Variants in CCDC7 observed in about 807,000 individuals in gnomAD.
CCDC7 encodes coiled-coil domain containing 7, also known as coiled-coil domain-containing protein 7.
Under a neutral mutation model 196.9 loss-of-function variants are expected in CCDC7, and 183 were observed. The observed-to-expected ratio is 0.93, with a 90% confidence interval of 0.82 to 1.05. The LOEUF (loss-of-function observed/expected upper bound fraction) is 1.05. Among genes scored for constraint, CCDC7 ranks in the 50% least tolerant of loss-of-function variants. The probability of loss-of-function intolerance (pLI) is 0.00; values close to 1 mark genes in which losing one functional copy is unlikely to be tolerated. For synonymous variants in CCDC7, 525 were observed against 484.6 expected, an observed-to-expected ratio of 1.08 and a Z score of -1.10; for missense variants, 1,540 against 1,482.2, an observed-to-expected ratio of 1.04 and a Z score of -0.64.
intron 13 of CCDC7, among the ~76,000 whole-genome samples, chr10:32,548,674 A>G (rs1167365961): frequency 1.3e-5 from 2 of 152,200 alleles, no homozygotes; most frequent in Admixed American, 1.3e-4. Context: ...TTGGTTTTCC[A>G]TTCCTGAGTT....
At chr10:32,856,197 C>CA (rs1307284286) in intron 41 of CCDC7, among the ~76,000 whole-genome samples, 3 of 151,766 alleles carry the variant, frequency 2.0e-5, no homozygotes, top group Non-Finnish European at 4.4e-5. Context: ...ACACACTGTC[C>CA]AAAAAAATAG....
rs189116321 is a variant in CCDC7, at chr10:32,752,462, A to G, written c.2905+23005A>G. ...AAATCAATGTAAATCTAAATCTCAA[A>G]CCATCTCTAGTCCCACGTATAGTGG... On this transcript the variant is annotated intron_variant, in intron 28 of 41. Coordinates refer to ENST00000639629, the Ensembl canonical transcript of CCDC7. Among the ~76,000 whole-genome samples the G allele has an allele frequency of 1.8e-3, 275 of 152,144 alleles. 2 individuals carry two copies. The highest frequency in any genetic ancestry group is 6.2e-3 in the African/African-American group (259 of 41,514).
intron 18 of CCDC7, among the ~76,000 whole-genome samples, chr10:32,595,783 C>T (rs2060272453): frequency 6.6e-6 from 1 of 152,106 alleles, no homozygotes; most frequent in Non-Finnish European, 1.5e-5. Context: ...TTTATTTCTG[C>T]CTTCATTTTG....
intron 2 of CCDC7, among the ~76,000 whole-genome samples, chr10:32,453,646 G>A (rs2033651375): frequency 6.6e-6 from 1 of 151,970 alleles, no homozygotes; most frequent in African/African-American, 2.4e-5. Context: ...TGCAGAAAAG[G>A]AGTTCTACAT....
At position 32,696,878 on chromosome 10, in the gene CCDC7, T is replaced by C. The variant is rs142244459; in HGVS notation, c.2458+1886T>C. 1.9e-3 allele frequency among the ~76,000 whole-genome samples: 292 copies of C among 152,298 alleles called. 1 individual carries two copies. The highest frequency in any genetic ancestry group is 5.8e-4 in the East Asian group (3 of 5,188). On this transcript the variant is annotated intron_variant, in intron 24 of 41. Coordinates refer to ENST00000639629, the Ensembl canonical transcript of CCDC7. ...GACATGTACAGGCCATTGCTTACAG[T>C]ATCACAATAAATGAAAAAAATTATG...
At chr10:32,848,161 C>G (rs1194604213) in intron 38 of CCDC7, among the ~76,000 whole-genome samples, 1 of 152,026 alleles carries the variant, frequency 6.6e-6, no homozygotes, top group African/African-American at 2.4e-5. Flanking sequence ...TAAATGTTTT[C>G]TACAATAATC....
intron 18 of CCDC7, among the ~76,000 whole-genome samples, chr10:32,595,114 A>G (rs1375036270): frequency 6.6e-6 from 1 of 152,226 alleles, no homozygotes; most frequent in East Asian, 1.9e-4. Context: ...GAATAGTTTC[A>G]GAAGGAATGG....
rs1421864210 is a variant in CCDC7 at position 32,496,057 on chromosome 10, C to A, written c.872+4060C>A. 2.0e-5 allele frequency among the ~76,000 whole-genome samples: 3 copies of A among 152,118 alleles called. No homozygotes were observed. The East Asian group carries it at 5.8e-4, about 29-fold the overall frequency. ...ATGTTTTTCCATTTGTTTGTTTCCT[C>A]TCTTATTTCCTTGAGCTGTGGTTTG... On this transcript the variant is annotated intron_variant, in intron 9 of 41. Coordinates refer to ENST00000639629, the Ensembl canonical transcript of CCDC7.
At chr10:32,544,386 T>C in intron 13 of CCDC7, 85 bp downstream of exon 14, 1 of 1,392,936 alleles carries the variant, frequency 7.2e-7, no homozygotes, top group Non-Finnish European at 9.9e-7. Flanking sequence ...ATTACGTATG[T>C]GATTATAGGG....
chr10:32,492,279 A>G (rs566423800), intron 9 of CCDC7, among the ~76,000 whole-genome samples: 4 of 152,218 alleles, frequency 2.6e-5, no homozygotes, highest in African/African-American at 9.6e-5. Flanking sequence ...AAAATAGTAT[A>G]TTGGTTCCTA....
chr10:32,806,175 G>C (rs1283432268), intron 30 of CCDC7, among the ~76,000 whole-genome samples: 1 of 152,082 alleles, frequency 6.6e-6, no homozygotes, highest in Non-Finnish European at 1.5e-5. Flanking sequence ...CCATATCACA[G>C]GGGAAAGAGT....
intron 31 of CCDC7, 82 bp from the exon 33 acceptor site, chr10:32,824,436 A>G (rs2090792692): frequency 2.7e-6 from 2 of 753,240 alleles, no homozygotes; most frequent in Admixed American, 2.4e-5. Context: ...AATATTAATT[A>G]TGATAGTATT....
intron 9 of CCDC7, 74 bp from the exon 11 acceptor site, chr10:32,517,871 G>A (rs1295774158): frequency 6.6e-7 from 1 of 1,514,606 alleles, no homozygotes; most frequent in Non-Finnish European, 8.9e-7. Context: ...GAAAAAAAAA[G>A]AAAATGTGTG....
At chr10:32,542,105 G>A (rs140225351) in intron 11 of CCDC7, among the ~76,000 whole-genome samples, 37 of 152,270 alleles carry the variant, frequency 2.4e-4, no homozygotes, top group African/African-American at 8.9e-4. Context: ...CTTCTAGTCA[G>A]CTATCTTGTC....
At chr10:32,866,890 C>G (rs774799513) in intron 41 of CCDC7, among the ~76,000 whole-genome samples, 48 of 151,386 alleles carry the variant, frequency 3.2e-4, no homozygotes, top group Non-Finnish European at 1.0e-4. Flanking sequence ...TCAAAATTGC[C>G]ATCACAATAT....
chr10:32,818,484 G>A (rs1358042642), intron 31 of CCDC7, among the ~76,000 whole-genome samples: 1 of 151,684 alleles, frequency 6.6e-6, no homozygotes, highest in African/African-American at 2.4e-5. Context: ...TGCACCAAGT[G>A]GACCTAATAG....
intron 24 of CCDC7, among the ~76,000 whole-genome samples, chr10:32,703,770 T>C (rs2079180614): frequency 6.6e-6 from 1 of 152,136 alleles, no homozygotes; most frequent in Non-Finnish European, 1.5e-5. Flanking sequence ...TCATTTGATC[T>C]TCCATCACTG....
intron 32 of CCDC7, among the ~76,000 whole-genome samples, chr10:32,826,147 C>A (rs1046701381): frequency 6.6e-6 from 1 of 152,160 alleles, no homozygotes; most frequent in Admixed American, 6.6e-5. Context: ...CCTCCAACAT[C>A]CCTGTTTGCT....
intron 11 of CCDC7, among the ~76,000 whole-genome samples, chr10:32,539,752 C>T (rs1424451374): frequency 2.0e-5 from 3 of 151,986 alleles, no homozygotes; most frequent in African/African-American, 7.3e-5. Context: ...CTAACTTCTG[C>T]CTTAATTTCA....
Sources: allele counts gnomAD v4.1 joint callset (sites outside exome capture counted in the v4.1 genomes callset), GRCh38; gene constraint gnomAD v4.1.1; transcripts MANE v1.5; gene names NCBI Gene and HGNC (gene_info 2026-07-23, HGNC 2026-07-21).